Variants in GTPBP10 observed in about 807,000 individuals in gnomAD.
GTPBP10 encodes the protein GTP binding protein 10, also known as GTP-binding protein 10.
Under a neutral mutation model 44.8 loss-of-function variants are expected in GTPBP10, and 38 were observed. The ratio of observed to expected loss-of-function variants is 0.85; its 90% CI spans 0.65 to 1.11. GTPBP10 has a LOEUF of 1.11. GTPBP10 is among the 50% of genes most tolerant of loss of function. The pLI, the probability that GTPBP10 is intolerant of heterozygous loss-of-function variation, is 0.00. For missense variants in GTPBP10, 462 were observed against 453.7 expected, an observed-to-expected ratio of 1.02 and a Z score of -0.17; for synonymous variants, 152 against 150.6, an observed-to-expected ratio of 1.01 and a Z score of -0.07.
At chr7:90,363,022 G>T (rs1407806794) in intron 4 of GTPBP10, among the ~76,000 whole-genome samples, 1 of 152,014 alleles carries the variant, frequency 6.6e-6, no homozygotes, top group Non-Finnish European at 1.5e-5. Context: ...TTGAGCCTAT[G>T]TGTGTCTCTG....
intron 1 of GTPBP10, among the ~76,000 whole-genome samples, chr7:90,348,973 TCTGGTTTGGTGG>T (rs1795736929): frequency 6.6e-6 from 1 of 152,212 alleles, no homozygotes; most frequent in Admixed American, 6.5e-5. Flanking sequence ...TGTTAATTCC[TCTGGTTTGGTGG>T]CTGTTAGCTC....
rs1413899895 is a variant in GTPBP10 at position 90,352,801 on chromosome 7, T to C, written c.34-15T>C. 1.3e-6 allele frequency: 2 copies of C among 1,570,148 alleles called. No homozygotes were observed. The highest frequency in any genetic ancestry group is 1.4e-5 in the African/African-American group (1 of 72,830). Reference sequence around the variant, plus strand: ...ACTTTTGGTATACAAATATTCTTTCTCTTTTTTTTTTAAGTATGGAAATTT... The same window carrying C: ...ACTTTTGGTATACAAATATTCTTTCCCTTTTTTTTTTAAGTATGGAAATTT... On this transcript the variant is annotated splice_polypyrimidine_tract_variant and intron_variant, in intron 1 of 9. Transcript: ENST00000222511.
intron 4 of GTPBP10, chr7:90,371,033 A>C (rs996450822): frequency 1.3e-5 from 2 of 152,576 alleles, no homozygotes; most frequent in Non-Finnish European, 2.9e-5. Flanking sequence ...ATAAATAAAT[A>C]AATAAATAAA....
At position 90,365,379 on chromosome 7, in the gene GTPBP10, T is replaced by C. The variant is rs1285635632; in HGVS notation, c.465-6776T>C. Among the ~76,000 whole-genome samples the C allele has an allele frequency of 3.4e-5, 3 of 88,798 alleles. No individual in the cohort carries two copies. The East Asian group carries it at 7.9e-4, about 23-fold the overall frequency. 58.3% of individuals were successfully genotyped at this position (88,798 alleles called of 152,430 possible). A position where few individuals can be genotyped will look rare whatever the true frequency, so the allele number is the denominator to read the frequency against. ...GACTTTGGGGTTTTCTTTTTTTTTT[T>C]TTTTTTTTTTTTTTGAGACGGAGTC... On this transcript the variant is annotated intron_variant, in intron 4 of 9. Transcript: ENST00000222511.
chr7:90,371,392 A>C (rs1796254580), intron 4 of GTPBP10: 1 of 154,174 alleles, frequency 6.5e-6, no homozygotes, highest in Non-Finnish European at 1.4e-5. Flanking sequence ...GTTTTCCCCT[A>C]CTTCCTTCAA....
intron 6 of GTPBP10, among the ~76,000 whole-genome samples, chr7:90,375,064 T>G (rs879134153): frequency 6.6e-6 from 1 of 152,164 alleles, no homozygotes; most frequent in East Asian, 1.9e-4. Context: ...AACTGGGCTA[T>G]CAAGCCTCAA....
intron 4 of GTPBP10, among the ~76,000 whole-genome samples, chr7:90,366,932 A>G (rs1434027075): frequency 2.0e-5 from 3 of 152,100 alleles, no homozygotes. Context: ...TTAGTGCTAT[A>G]AATTTCCCTC....
At chr7:90,375,197 T>TA (rs796449171) in intron 6 of GTPBP10, among the ~76,000 whole-genome samples, 1,635 of 141,560 alleles carry the variant, frequency 0.012, 18 homozygotes, top group Non-Finnish European at 0.013. Context: ...GTGGAGACAG[T>TA]AAAAAAAAAA....
intron 4 of GTPBP10, among the ~76,000 whole-genome samples, chr7:90,369,093 G>T (rs1796198952): frequency 6.6e-6 from 1 of 152,182 alleles, no homozygotes; most frequent in Non-Finnish European, 1.5e-5. Context: ...GTCCACTTCA[G>T]ACCCTGTTTG....
intron 9 of GTPBP10, among the ~76,000 whole-genome samples, chr7:90,384,116 T>A (rs2115785049): frequency 6.6e-6 from 1 of 152,320 alleles, no homozygotes; most frequent in Non-Finnish European, 1.5e-5. Context: ...AGTCTGTAGC[T>A]GTTCTGACCT....
At position 90,377,525 on chromosome 7, in the gene GTPBP10, C is replaced by A; in HGVS notation, c.610C>A (p.Pro204Thr). 3 of 1,607,772 alleles carry A rather than the reference C, an allele frequency of 1.9e-6. No homozygotes were observed. Among genetic ancestry groups the A allele is most frequent in the Non-Finnish European group, 2.5e-6 (3 of 1,176,844 alleles). Residue 204 changes from proline to threonine, a missense_variant, in exon 7 of 10, where the codon CCG becomes ACG. Pro to Thr is a conservative substitution (Grantham distance 38). Coordinates refer to ENST00000222511, the MANE Select transcript of GTPBP10 (RefSeq NM_033107.4). Reference sequence around the variant, plus strand: ...GTATTAGATATCAGTAGCTGATCTTCCGGGTTTAATAGAAGGAGCACATAT... The same window carrying A: ...GTATTAGATATCAGTAGCTGATCTTACGGGTTTAATAGAAGGAGCACATAT... Reference protein sequence around the residue: ...DFKQISVADLPGLIEGAHMNK... With the variant: ...DFKQISVADLTGLIEGAHMNK...
Position 90,377,456 on chromosome 7 carries a change from T to A in GTPBP10, c.592-51T>A, listed in dbSNP as rs758441555. ...AAAAATTTTGGGATGTAATTGAACT[T>A]GCGGTTTTCATACATTTTCCTTTTT... is the stretch of plus-strand genomic sequence containing the variant. On this transcript the variant is annotated intron_variant, in intron 6 of 9. Transcript: ENST00000222511. 3 of 1,238,800 alleles carry A rather than the reference T, an allele frequency of 2.4e-6. No homozygotes were observed. In the East Asian group the frequency reaches 7.1e-5, roughly 29 times the overall value. 76.7% of individuals were successfully genotyped at this position (1,238,800 alleles called of 1,614,324 possible).
intron 4 of GTPBP10, among the ~76,000 whole-genome samples, chr7:90,358,397 C>T (rs1223821597): frequency 6.6e-6 from 1 of 152,098 alleles, no homozygotes; most frequent in African/African-American, 2.4e-5. Context: ...ACCAAAACAG[C>T]ATGGTATTGA....
chr7:90,355,477 T>C (rs1450314952), intron 4 of GTPBP10, among the ~76,000 whole-genome samples: 1 of 152,038 alleles, frequency 6.6e-6, no homozygotes, highest in Non-Finnish European at 1.5e-5. Flanking sequence ...TGTTAGAGAA[T>C]GCATAAAGAA....
At chr7:90,353,403 C>T (rs1795833427) in intron 2 of GTPBP10, among the ~76,000 whole-genome samples, 1 of 152,194 alleles carries the variant, frequency 6.6e-6, no homozygotes, top group Non-Finnish European at 1.5e-5. Context: ...CTTGACTTTT[C>T]TAAGACTTTT....
At chr7:90,356,910 T>G (rs555851968) in intron 4 of GTPBP10, among the ~76,000 whole-genome samples, 10 of 152,326 alleles carry the variant, frequency 6.6e-5, no homozygotes, top group Non-Finnish European at 1.5e-4. Context: ...AATTTGTCTG[T>G]AATTAAAGCA....
intron 1 of GTPBP10, among the ~76,000 whole-genome samples, chr7:90,351,313 C>T (rs1335883852): frequency 6.6e-6 from 1 of 152,134 alleles, no homozygotes; most frequent in Non-Finnish European, 1.5e-5. Flanking sequence ...GGTGCAGTAG[C>T]TCATGCCTGT....
intron 4 of GTPBP10, among the ~76,000 whole-genome samples, chr7:90,370,451 C>T (rs1392194724): frequency 6.6e-6 from 1 of 151,864 alleles, no homozygotes; most frequent in Admixed American, 6.6e-5. Flanking sequence ...GAACGGAAAT[C>T]CAAGTGCCAC....
rs530483231 is a variant in GTPBP10, at chr7:90,365,668, G to A, written c.465-6487G>A. Among the ~76,000 whole-genome samples, 5 of 152,266 alleles carry A rather than the reference G, an allele frequency of 3.3e-5. No individual in the cohort carries two copies. In the South Asian group the frequency reaches 1.0e-3, roughly 32 times the overall value. On this transcript the variant is annotated intron_variant, in intron 4 of 9. Coordinates refer to ENST00000222511, the MANE Select transcript of GTPBP10 (RefSeq NM_033107.4). The stretch of plus-strand genomic sequence containing the variant: ...TGGGATTACAGGCGTGAGCCACCGC[G>A]CCCGGCCGGGGTTTTCTAAATATAC...
Sources: allele counts gnomAD v4.1 joint callset (sites outside exome capture counted in the v4.1 genomes callset), GRCh38; gene constraint gnomAD v4.1.1; transcripts MANE v1.5; gene names NCBI Gene and HGNC (gene_info 2026-07-23, HGNC 2026-07-21).